The following IQCH variants were observed in gnomAD, a reference collection of about 807,000 sequenced individuals.
IQCH encodes IQ domain-containing protein H.
A neutral mutation model predicts 117.0 loss-of-function variants in IQCH; 98 were observed. The observed-to-expected ratio is 0.84, with a 90% CI of 0.71 to 0.99. The LOEUF is 0.99. IQCH is among the 50% of genes least tolerant of loss of function. The pLI is 0.00. For synonymous variants in IQCH, 412 were observed against 448.2 expected, an observed-to-expected ratio of 0.92 and a Z score of 1.02; for missense variants, 1,102 against 1,243.8, an observed-to-expected ratio of 0.89 and a Z score of 1.72.
chr15:67,354,961 G>A (rs1969827262), intron 6 of IQCH, among the ~76,000 whole-genome samples: 1 of 152,108 alleles, frequency 6.6e-6, no homozygotes, highest in Admixed American at 6.5e-5. Flanking sequence ...GAAGCCTTGG[G>A]GTGGACTTTC....
intron 16 of IQCH, among the ~76,000 whole-genome samples, chr15:67,435,267 T>A (rs891156544): frequency 1.3e-5 from 2 of 152,102 alleles, no homozygotes; most frequent in African/African-American, 4.8e-5. Flanking sequence ...TTTATATACC[T>A]GTTGGCCATT....
chr15:67,475,859 G>T lies in IQCH; in HGVS notation c.2799+41G>T. On this transcript the variant is annotated intron_variant, in intron 18 of 20. Coordinates refer to ENST00000335894, the MANE Select transcript of IQCH (RefSeq NM_001031715.3). This position sits in a 1 kb window ranked among gnomAD's most constrained non-coding sequence, Gnocchi z 5.7. ...GTTGGCCAGGGGCGGCCAAAGACAT[G>T]CCTGTGGGTGATCTAGGTAGCTAAT... The T allele has an allele frequency of 6.4e-7, 1 of 1,568,460 alleles. No individual in the cohort carries two copies. The highest frequency in any genetic ancestry group is 1.1e-5 in the South Asian group (1 of 89,160).
chr15:67,298,401 CA>C, intron 4 of IQCH, among the ~76,000 whole-genome samples: 1 of 151,760 alleles, frequency 6.6e-6, no homozygotes, highest in Admixed American at 6.6e-5. Flanking sequence ...CAGAGAAAGG[CA>C]AATCAAAACT....
In IQCH at chr15:67,445,505, C is replaced by G. The variant is rs2082371638; in HGVS notation, c.2506-19622C>G. Among the ~76,000 whole-genome samples the G allele has an allele frequency of 6.6e-6, 1 of 152,168 alleles. No homozygotes were observed. The highest frequency in any genetic ancestry group is 1.5e-5 in the Non-Finnish European group (1 of 68,032). ...CCAGGCTGGATTGCAGTGGTGCAATCTCAGCTCACTGCAACCTCTGCCTCC... is the reference window on the plus strand; with the variant it reads ...CCAGGCTGGATTGCAGTGGTGCAATGTCAGCTCACTGCAACCTCTGCCTCC... On this transcript the variant is annotated intron_variant, in intron 16 of 20. Coordinates refer to ENST00000335894, the MANE Select transcript of IQCH (RefSeq NM_001031715.3). This position sits in a 1 kb window ranked among gnomAD's most constrained non-coding sequence, Gnocchi z 4.3.
chr15:67,455,806 G>A (rs954036593), intron 16 of IQCH, among the ~76,000 whole-genome samples: 1 of 152,112 alleles, frequency 6.6e-6, no homozygotes, highest in Non-Finnish European at 1.5e-5. Context: ...AATTAAAGAG[G>A]GAGAATAACT....
At chr15:67,315,799 A>G (rs569810808) in intron 4 of IQCH, among the ~76,000 whole-genome samples, 36 of 152,168 alleles carry the variant, frequency 2.4e-4, no homozygotes, top group Middle Eastern at 6.8e-3. Flanking sequence ...GTCCACATTG[A>G]TCATGTATCT....
At chr15:67,310,186 G>A (rs1305096642) in intron 4 of IQCH, among the ~76,000 whole-genome samples, 1 of 151,940 alleles carries the variant, frequency 6.6e-6, no homozygotes, top group Admixed American at 6.6e-5. Context: ...GATTTTTAAT[G>A]ATAAATATTT....
In IQCH at chr15:67,366,379, C is replaced by A. The variant is rs1400765340; in HGVS notation, c.754-5732C>A. ...AATTTCACATTTGACTGAAAATAGA[C>A]CATCTATTTACAAAATCTTCTTGAT... On this transcript the variant is annotated intron_variant, in intron 8 of 20. Transcript: ENST00000335894. The surrounding 1 kb of genome is among the most constrained non-coding windows in gnomAD (Gnocchi z 4.4). 1.3e-5 allele frequency among the ~76,000 whole-genome samples: 2 copies of A among 152,148 alleles called. No homozygotes were observed. The highest frequency in any genetic ancestry group is 2.4e-5 in the African/African-American group (1 of 41,424).
rs1439510267 is a variant in IQCH at position 67,366,148 on chromosome 15, T to A, written c.754-5963T>A. ...TACGTGTAGAGAAAATTATGATGTG[T>A]CTTTGCTCAGAGATCTGGGAATCCA... On this transcript the variant is annotated intron_variant, in intron 8 of 20. Transcript: ENST00000335894. This position sits in a 1 kb window ranked among gnomAD's most constrained non-coding sequence, Gnocchi z 4.4. Among the ~76,000 whole-genome samples, 1 of 152,160 alleles carries A rather than the reference T, an allele frequency of 6.6e-6. No individual in the cohort carries two copies. The highest frequency in any genetic ancestry group is 2.4e-5 in the African/African-American group (1 of 41,448).
chr15:67,384,942 C>G lies in IQCH; in HGVS notation c.1379C>G (p.Ser460Cys). The G allele has an allele frequency of 1.2e-6, 2 of 1,609,020 alleles. No individual in the cohort carries two copies. The highest frequency in any genetic ancestry group is 1.7e-5 in the Admixed American group (1 of 59,942). Residue 460 changes from serine to cysteine, a missense_variant, in exon 11 of 21, where the codon TCC (serine) becomes TGC (cysteine). Around this residue, in one of 2 missense-constraint regions of IQCH, gnomAD observed 650 missense variants for 794.3 expected, o/e 0.82. Coordinates refer to ENST00000335894, the MANE Select transcript of IQCH (RefSeq NM_001031715.3). This position sits in a 1 kb window ranked among gnomAD's most constrained non-coding sequence, Gnocchi z 4.3. ...TIIHIPSLGY[S>C]QPVREHIADF... is the part of the protein sequence containing the mutation. ...CACCTTGTTTGCCTTTTAGGGTATT[C>G]CCAGCCTGTGAGAGAACATATTGCC... is the stretch of plus-strand genomic sequence containing the variant.
rs932580488 is a variant in IQCH at position 67,474,242 on chromosome 15, G to A, written c.2677-1454G>A. Among the ~76,000 whole-genome samples the A allele has an allele frequency of 3.9e-5, 6 of 152,078 alleles. No individual in the cohort carries two copies. Among genetic ancestry groups the A allele is most frequent in the Non-Finnish European group, 8.8e-5 (6 of 68,014 alleles). ...ATTATAATGCATGTCAGGTCACTAC[G>A]ATTCCTTACGGCCAGCTCCAGACCA... On this transcript the variant is annotated intron_variant, in intron 17 of 20. Coordinates refer to ENST00000335894, the MANE Select transcript of IQCH (RefSeq NM_001031715.3). This position sits in a 1 kb window ranked among gnomAD's most constrained non-coding sequence, Gnocchi z 4.1.
chr15:67,283,328 T>C (rs1451590396), intron 4 of IQCH, among the ~76,000 whole-genome samples: 1 of 152,200 alleles, frequency 6.6e-6, no homozygotes, highest in Non-Finnish European at 1.5e-5. Flanking sequence ...CGTATGCAGA[T>C]ATGTAGGGTT....
Position 67,427,945 on chromosome 15 carries a change from T to C in IQCH, c.2505+6368T>C, listed in dbSNP as rs79875971. On this transcript the variant is annotated intron_variant, in intron 16 of 20. Coordinates refer to ENST00000335894, the MANE Select transcript of IQCH (RefSeq NM_001031715.3). This position sits in a 1 kb window ranked among gnomAD's most constrained non-coding sequence, Gnocchi z 4.7. ...CCAGGCTCAAGTGATTCTTGTGCCT[T>C]AGCCTCCTGAGTAGCTGGGATTACA... 6.6e-6 allele frequency among the ~76,000 whole-genome samples: 1 copy of C among 152,074 alleles called. No homozygotes were observed. Among genetic ancestry groups the C allele is most frequent in the Non-Finnish European group, 1.5e-5 (1 of 67,998 alleles).
At chr15:67,439,311 G>A (rs535853680) in intron 16 of IQCH, among the ~76,000 whole-genome samples, 67 of 152,186 alleles carry the variant, frequency 4.4e-4, no homozygotes, top group Middle Eastern at 3.4e-3. Context: ...AATGAGCACT[G>A]GGTCAAAACA....
chr15:67,255,239 C>T (rs1399057602), intron 1 of IQCH: 1 of 490,280 alleles, frequency 2.0e-6, no homozygotes, highest in Non-Finnish European at 3.7e-6. Flanking sequence ...CACGCTGAGG[C>T]ATCATTTTTA....
intron 20 of IQCH, among the ~76,000 whole-genome samples, chr15:67,499,319 AAAAG>A (rs1426314363): frequency 2.7e-5 from 4 of 148,438 alleles, no homozygotes; most frequent in African/African-American, 9.9e-5. Flanking sequence ...AAAAAAAAAA[AAAAG>A]ATGTACAAAT....
At chr15:67,299,242 A>G (rs1966903402) in intron 4 of IQCH, among the ~76,000 whole-genome samples, 1 of 151,998 alleles carries the variant, frequency 6.6e-6, no homozygotes, top group Non-Finnish European at 1.5e-5. Context: ...ACTGAGATAG[A>G]GAGTAGAAGG....
At position 67,444,402 on chromosome 15, in the gene IQCH, A is replaced by G. The variant is rs186511147; in HGVS notation, c.2506-20725A>G. 6.3e-4 allele frequency among the ~76,000 whole-genome samples: 96 copies of G among 152,350 alleles called. 1 individual carries two copies. The highest frequency in any genetic ancestry group is 5.6e-4 in the Non-Finnish European group (38 of 68,038). On this transcript the variant is annotated intron_variant, in intron 16 of 20. Transcript: ENST00000335894. Reference sequence around the variant, plus strand: ...CACGGGATGGAAACATTGAAAACAGACACCACAAGAATGGTTAAGTCAGTT... The same window carrying G: ...CACGGGATGGAAACATTGAAAACAGGCACCACAAGAATGGTTAAGTCAGTT...
chr15:67,332,865 G>A (rs748328109), intron 4 of IQCH, among the ~76,000 whole-genome samples: 4 of 152,188 alleles, frequency 2.6e-5, no homozygotes, highest in Non-Finnish European at 2.9e-5. Context: ...CAGGCCACCT[G>A]TTTTTGTAAA....
Sources: allele counts gnomAD v4.1 joint callset (sites outside exome capture counted in the v4.1 genomes callset), GRCh38; gene constraint gnomAD v4.1.1; regional missense constraint gnomAD v4.1.1; non-coding constraint Gnocchi (gnomAD v3.1); transcripts MANE v1.5; gene names NCBI Gene and HGNC (gene_info 2026-07-23, HGNC 2026-07-21).